Variants in ZNF727 observed in about 807,000 individuals in gnomAD.
The protein encoded by ZNF727 is putative zinc finger protein 727.
In ZNF727, 11 loss-of-function variants were observed where a neutral mutation model predicts 11.5. That is an observed-to-expected ratio of 0.95 (90% CI 0.60 to 1.58). ZNF727 has a LOEUF of 1.58. ZNF727 is among the 40% of genes most tolerant of loss of function. The pLI is 0.00. For missense variants in ZNF727, 533 were observed against 581.7 expected (o/e 0.92, Z 0.86); for synonymous variants, 171 against 196.1 (o/e 0.87, Z 1.07).
At chr7:64,064,151 A>G (rs1789825990) in intron 1 of ZNF727, among the ~76,000 whole-genome samples, 2 of 152,110 alleles carry the variant, frequency 1.3e-5, no homozygotes, top group African/African-American at 4.8e-5. Context: ...ATCAAGCTTC[A>G]AGACAAAGTC....
chr7:64,060,706 C>T (rs1789756689), intron 1 of ZNF727, among the ~76,000 whole-genome samples: 1 of 151,978 alleles, frequency 6.6e-6, no homozygotes, highest in African/African-American at 2.4e-5. Context: ...TCATTTATTT[C>T]TGCTGTAATT....
intron 1 of ZNF727, among the ~76,000 whole-genome samples, chr7:64,064,846 C>A (rs1344021300): frequency 6.6e-6 from 1 of 152,138 alleles, no homozygotes; most frequent in Non-Finnish European, 1.5e-5. Flanking sequence ...AGTTTTACTG[C>A]TAAGTCTCAC....
chr7:64,047,051 A>C (rs1789519842), intron 1 of ZNF727, among the ~76,000 whole-genome samples: 1 of 152,024 alleles, frequency 6.6e-6, no homozygotes, highest in Admixed American at 6.5e-5. Context: ...CTTAGGCAGA[A>C]TCCCAGAGCA....
rs751747120 is a variant in ZNF727 at position 64,077,338 on chromosome 7, A to T, written c.289A>T (p.Lys97Ter). The T allele has an allele frequency of 1.3e-6, 2 of 1,551,188 alleles. No individual in the cohort carries two copies. The highest frequency in any genetic ancestry group is 2.4e-5 in the South Asian group (2 of 83,942). The change falls in exon 4 of 4, where the codon AAA becomes TAA. Residue 97 changes from lysine to a stop codon, truncating the protein, a stop_gained. Transcript: ENST00000456806. LOFTEE classifies it low-confidence loss of function (END_TRUNC). ...LEHDINDSFQ[K>*]VILRKSGSCD... The stretch of plus-strand genomic sequence containing the variant: ...GCACGACATAAACGATTCATTTCAA[A>T]AAGTGATCCTGAGAAAATCTGGAAG...
rs1785692561 is a variant in ZNF727 at position 64,077,568 on chromosome 7, C to T, written c.519C>T (p.Tyr173=). ...HKKIFSREKC[Y]KCEECGKDCR... ...AAATTTTTAGCAGAGAGAAATGCTA[C>T]AAATGTGAAGAATGTGGCAAAGACT... Residue 173 remains tyrosine (Y), a synonymous_variant, in exon 4 of 4, where the codon TAC becomes TAT. Coordinates refer to ENST00000456806, the MANE Select transcript of ZNF727 (RefSeq NM_001159522.3). 1.9e-6 allele frequency: 3 copies of T among 1,551,416 alleles called. No individual in the cohort carries two copies. The highest frequency in any genetic ancestry group is 2.0e-5 in the Admixed American group (1 of 50,976).
At position 64,081,940 on chromosome 7, in the gene ZNF727, A is replaced by G. The variant is rs1010099055; in HGVS notation, c.*3391A>G. Among the ~76,000 whole-genome samples, 5 of 152,038 alleles carry G rather than the reference A, an allele frequency of 3.3e-5. No homozygotes were observed. Among genetic ancestry groups the G allele is most frequent in the African/African-American group, 1.2e-4 (5 of 41,408 alleles). On this transcript the variant is annotated 3_prime_UTR_variant, in exon 4 of 4. Transcript: ENST00000456806. ...GCTGCATCTCAGAGACGTGTAGGCCAGCAATCACTCAGTGCAGTCCGACCA... is the reference window on the plus strand; with the variant it reads ...GCTGCATCTCAGAGACGTGTAGGCCGGCAATCACTCAGTGCAGTCCGACCA...
chr7:64,077,109 T>G (rs1170270608), intron 3 of ZNF727, among the ~76,000 whole-genome samples, 167 bp from the exon 4 acceptor site: 1 of 152,200 alleles, frequency 6.6e-6, no homozygotes, highest in African/African-American at 2.4e-5. Context: ...ACAAAGGCAT[T>G]TTGGTCAGTA....
chr7:64,066,339 G>A (rs1293918564), intron 1 of ZNF727, among the ~76,000 whole-genome samples: 1 of 152,058 alleles, frequency 6.6e-6, no homozygotes, highest in African/African-American at 2.4e-5. Context: ...AGTGCATATA[G>A]CCAACACAAT....
At chr7:64,073,949 C>G (rs767510528) in intron 3 of ZNF727, among the ~76,000 whole-genome samples, 9 of 152,152 alleles carry the variant, frequency 5.9e-5, no homozygotes, top group Non-Finnish European at 1.0e-4. Flanking sequence ...ATTAATTGGA[C>G]AGTCTCCTAT....
rs549711178 is a variant in ZNF727, at chr7:64,081,881, G to T, written c.*3332G>T. ...ACCCTCTGGGTACCACATGAGCTGG[G>T]TTGCTGCCCCACCTCTTTGCCTGTC... On this transcript the variant is annotated 3_prime_UTR_variant, in exon 4 of 4. Coordinates refer to ENST00000456806, the MANE Select transcript of ZNF727 (RefSeq NM_001159522.3). Among the ~76,000 whole-genome samples the T allele has an allele frequency of 6.6e-6, 1 of 152,242 alleles. No individual in the cohort carries two copies. The highest frequency in any genetic ancestry group is 1.5e-5 in the Non-Finnish European group (1 of 68,024).
At chr7:64,067,134 A>G (rs897417678) in intron 1 of ZNF727, among the ~76,000 whole-genome samples, 1 of 90,960 alleles carries the variant, frequency 1.1e-5, no homozygotes, top group African/African-American at 3.3e-5. Context: ...GCAGCCAACA[A>G]ACATGAAAAA....
rs1442995526 is a variant in ZNF727, at chr7:64,080,251, G to A, written c.*1702G>A. ...TGGTATCCCGAAATATGTATTTCAA[G>A]TTGTTTTCATTCTCTCCATCACTTT... On this transcript the variant is annotated 3_prime_UTR_variant, in exon 4 of 4. Transcript: ENST00000456806. 6.6e-6 allele frequency among the ~76,000 whole-genome samples: 1 copy of A among 152,040 alleles called. No individual in the cohort carries two copies. Among genetic ancestry groups the A allele is most frequent in the African/African-American group, 2.4e-5 (1 of 41,404 alleles).
In ZNF727 at chr7:64,078,639, A is replaced by G; in HGVS notation, c.*90A>G. ...CCTTAGTAAACACAAGAGAATTCATACTGGAGAGAAACCCTACATTTGTGA... is the reference window on the plus strand; with the variant it reads ...CCTTAGTAAACACAAGAGAATTCATGCTGGAGAGAAACCCTACATTTGTGA... On this transcript the variant is annotated 3_prime_UTR_variant, in exon 4 of 4. Transcript: ENST00000456806. The G allele has an allele frequency of 7.1e-7, 1 of 1,398,808 alleles. No individual in the cohort carries two copies. The highest frequency in any genetic ancestry group is 2.3e-5 in the East Asian group (1 of 43,476). The allele number at this position is 1,398,808 out of a possible 1,614,324, so 86.6% of individuals were successfully genotyped here. A position where few individuals can be genotyped will look rare whatever the true frequency, so the allele number is the denominator to read the frequency against.
At chr7:64,056,997 T>C (rs2116283765) in intron 1 of ZNF727, among the ~76,000 whole-genome samples, 1 of 152,264 alleles carries the variant, frequency 6.6e-6, no homozygotes, top group Non-Finnish European at 1.5e-5. Context: ...CCTCAAAACA[T>C]GTAAATTCTG....
Position 64,079,322 on chromosome 7 carries a change from TATAAA to T in ZNF727, c.*774_*778del, listed in dbSNP as rs1016171184. Among the ~76,000 whole-genome samples, 3 of 152,232 alleles carry T rather than the reference TATAAA, an allele frequency of 2.0e-5. No individual in the cohort carries two copies. The highest frequency in any genetic ancestry group is 7.2e-5 in the African/African-American group (3 of 41,470). ...GAGACTTACTACTGAACAAATGTAG[TATAAA>T]GGTAATGACTTGAAGAACATTTAAT... is the stretch of plus-strand genomic sequence containing the variant. On this transcript the variant is annotated 3_prime_UTR_variant, in exon 4 of 4. Coordinates refer to ENST00000456806, the MANE Select transcript of ZNF727 (RefSeq NM_001159522.3).
chr7:64,080,147 C>T lies in ZNF727; in HGVS notation c.*1598C>T, dbSNP rs768152711. On this transcript the variant is annotated 3_prime_UTR_variant, in exon 4 of 4. Coordinates refer to ENST00000456806, the MANE Select transcript of ZNF727 (RefSeq NM_001159522.3). ...TTATGTATCTTGGGGATGACCTTCT[C>T]GTGGGGTATATTATTGGGGTTCTCC... is the stretch of plus-strand genomic sequence containing the variant. 1.4e-4 allele frequency among the ~76,000 whole-genome samples: 22 copies of T among 151,952 alleles called. No individual in the cohort carries two copies. The highest frequency in any genetic ancestry group is 2.2e-4 in the Non-Finnish European group (15 of 68,010).
chr7:64,062,395 TGTTA>T (rs1370953970), intron 1 of ZNF727, among the ~76,000 whole-genome samples: 1 of 151,860 alleles, frequency 6.6e-6, no homozygotes, highest in Non-Finnish European at 1.5e-5. Context: ...TCTCTCAGCT[TGTTA>T]GTTTTTTTAA....
At chr7:64,047,365 A>G (rs17138355) in intron 1 of ZNF727, among the ~76,000 whole-genome samples, 12,133 of 152,254 alleles carry the variant, frequency 0.08, 724 homozygotes, top group African/African-American at 0.16. Flanking sequence ...GGCTCTTTTT[A>G]ATTTCGTCTG....
chr7:64,046,727 A>C (rs2116258649), intron 1 of ZNF727, among the ~76,000 whole-genome samples: 1 of 152,344 alleles, frequency 6.6e-6, no homozygotes, highest in Admixed American at 6.5e-5. Flanking sequence ...TAATGCCAGA[A>C]CCGATTAATA....
Sources: gnomAD v4.1 joint callset for allele counts (sites outside exome capture counted in the v4.1 genomes callset) on GRCh38, gnomAD v4.1.1 for gene constraint, MANE v1.5 for transcripts, NCBI Gene and HGNC (gene_info 2026-07-23, HGNC 2026-07-21) for gene names.